The following GNE variants were observed in gnomAD, a reference collection of about 807,000 sequenced individuals.
The protein encoded by GNE is glucosamine (UDP-N-acetyl)-2-epimerase/N-acetylmannosamine kinase.
A neutral mutation model predicts 61.8 loss-of-function variants in GNE; 41 were observed. The observed-to-expected ratio is 0.66, with a 90% CI of 0.52 to 0.86. The LOEUF (loss-of-function observed/expected upper bound fraction) is 0.86, where lower values mean the gene tolerates loss of function less well. Ranked by LOEUF, GNE falls within the 40% of genes least tolerant of loss-of-function variation. The probability of loss-of-function intolerance (pLI) is 0.00; values close to 1 mark genes in which losing one functional copy is unlikely to be tolerated. For missense variants in GNE, 608 were observed against 909.1 expected (o/e 0.67, Z 4.26); for synonymous variants, 264 against 326.4 (o/e 0.81, Z 2.06).
chr9:36,266,101 T>C lies in GNE; in HGVS notation c.51+10793A>G, dbSNP rs185874895. On this transcript the variant is annotated intron_variant, in intron 1 of 11. Coordinates refer to the GNE transcript ENST00000396594. ...TACAGGCATGCGGTCTGGCTAATTT[T>C]TGTATTTTTAGTAGAGACGGGGTTT... 5.5e-4 allele frequency among the ~76,000 whole-genome samples: 84 copies of C among 152,154 alleles called. 2 individuals carry two copies. Among genetic ancestry groups the C allele is most frequent in the Non-Finnish European group, 4.0e-4 (27 of 67,984 alleles).
chr9:36,271,240 C>T (rs1831018298), intron 1 of GNE, among the ~76,000 whole-genome samples: 1 of 152,206 alleles, frequency 6.6e-6, no homozygotes, highest in Non-Finnish European at 1.5e-5. Flanking sequence ...AAGGCTCTTC[C>T]TTGTCTGCTG....
intron 8 of GNE, 99 bp from the exon 9 acceptor site, chr9:36,223,097 G>T: frequency 8.9e-7 from 1 of 1,124,126 alleles, no homozygotes; most frequent in Non-Finnish European, 1.4e-6. Flanking sequence ...ATTCACCCCA[G>T]ATCTCCTAAG....
chr9:36,264,977 G>A, intron 1 of GNE: 2 of 233,930 alleles, frequency 8.5e-6, no homozygotes, highest in East Asian at 1.0e-4. Context: ...TTTGTACCGT[G>A]TTTGTTACCG....
intron 3 of GNE, among the ~76,000 whole-genome samples, chr9:36,245,362 A>C (rs1829825911): frequency 6.6e-6 from 1 of 151,862 alleles, no homozygotes; most frequent in African/African-American, 2.4e-5. Context: ...ATACTTCCTA[A>C]CCATTCCATT....
At chr9:36,266,424 C>T (rs1021028295) in intron 1 of GNE, among the ~76,000 whole-genome samples, 1 of 152,228 alleles carries the variant, frequency 6.6e-6, no homozygotes, top group Admixed American at 6.5e-5. Flanking sequence ...TATGAGGCTA[C>T]ACTACATGGG....
At chr9:36,237,432 T>C (rs1339438668) in intron 3 of GNE, among the ~76,000 whole-genome samples, 2 of 152,228 alleles carry the variant, frequency 1.3e-5, no homozygotes, top group Admixed American at 6.5e-5. Flanking sequence ...TCCTGTACTA[T>C]CACCTACCAG....
Position 36,218,150 on chromosome 9 carries a change from C to G in GNE, c.1933+33G>C. The stretch of plus-strand genomic sequence containing the variant: ...GCCATATGATATCTGAGGCCACCCC[C>G]TGCAGCACAGCCACCTGCAGCCACA... On this transcript the variant is annotated intron_variant, in intron 11 of 11. Coordinates refer to ENST00000642385, the MANE Select transcript of GNE (RefSeq NM_005476.7). This position sits in a 1 kb window ranked among gnomAD's most constrained non-coding sequence, Gnocchi z 4.1. 2.1e-6 allele frequency: 3 copies of G among 1,454,638 alleles called. No homozygotes were observed. Among genetic ancestry groups the G allele is most frequent in the Non-Finnish European group, 2.9e-6 (3 of 1,034,318 alleles). The allele number at this position is 1,454,638 out of a possible 1,614,324, so 90.1% of individuals were successfully genotyped here.
rs1418360913 is a variant in GNE at position 36,216,353 on chromosome 9, G to GTGTGTGTGTGTGTGTGTGTGTGTC, written c.*1011_*1012insGACACACACACACACACACACACA. 1 of 412,904 alleles carries GTGTGTGTGTGTGTGTGTGTGTGTC rather than the reference G, an allele frequency of 2.4e-6. No individual in the cohort carries two copies. Among genetic ancestry groups the GTGTGTGTGTGTGTGTGTGTGTGTC allele is most frequent in the South Asian group, 1.6e-5 (1 of 60,754 alleles). 25.6% of individuals were successfully genotyped at this position (412,904 alleles called of 1,614,324 possible). On this transcript the variant is annotated 3_prime_UTR_variant, in exon 12 of 12. Transcript: ENST00000642385. ...TGTGTGTGTGTGTGTGTGTGTGTGT[G>GTGTGTGTGTGTGTGTGTGTGTGTC]TAGACGGAGTCTCGCTCTGTCACCC...
At chr9:36,235,564 C>T (rs1829356955) in intron 4 of GNE, among the ~76,000 whole-genome samples, 1 of 151,948 alleles carries the variant, frequency 6.6e-6, no homozygotes, top group Admixed American at 6.6e-5. Flanking sequence ...ATATCATTGA[C>T]AATGAATGCT....
chr9:36,261,814 G>T (rs10814364), upstream of GNE, among the ~76,000 whole-genome samples: 115,199 of 150,776 alleles, frequency 0.76, 44,486 homozygotes, highest in Non-Finnish European at 0.8. Context: ...TCCCAGCTAC[G>T]CGGGAGGCTG....
intron 5 of GNE, among the ~76,000 whole-genome samples, chr9:36,232,666 G>C (rs1474125347): frequency 6.6e-6 from 1 of 152,164 alleles, no homozygotes; most frequent in Non-Finnish European, 1.5e-5. Flanking sequence ...TCTCCTTAAA[G>C]AGGCCTTCCT....
rs2772222 is a variant in GNE at position 36,222,659 on chromosome 9, A to G, written c.1633+118T>C. The G allele has an allele frequency of 5.2e-3, 4,206 of 812,344 alleles. 129 individuals carry two copies. In the African/African-American group the frequency reaches 0.063, roughly 12 times the overall value. The allele number at this position is 812,344 out of a possible 1,614,324, so 50.3% of individuals were successfully genotyped here. A position where few individuals can be genotyped will look rare whatever the true frequency, so the allele number is the denominator to read the frequency against. On this transcript the variant is annotated intron_variant, in intron 9 of 11. Coordinates refer to ENST00000642385, the MANE Select transcript of GNE (RefSeq NM_005476.7). ...AAAAGGCCACATGTGGCTCACCTTC[A>G]GGCTCTAGTCATGCAGGAAGTGAAG...
intron 7 of GNE, among the ~76,000 whole-genome samples, chr9:36,226,593 C>T (rs1292902101): frequency 6.6e-6 from 1 of 152,144 alleles, no homozygotes; most frequent in Non-Finnish European, 1.5e-5. Context: ...TAATAAATTT[C>T]CTACAACTTT....
chr9:36,249,171 A>G, intron 2 of GNE, 21 bp downstream of exon 2: 1 of 1,593,488 alleles, frequency 6.3e-7, no homozygotes, highest in Non-Finnish European at 8.6e-7. Context: ...AATGAAGAAT[A>G]AGAAAATGCT....
chr9:36,257,512 TG>T (rs1329674419), intron 1 of GNE, among the ~76,000 whole-genome samples: 1 of 151,102 alleles, frequency 6.6e-6, no homozygotes, highest in East Asian at 2.0e-4. Flanking sequence ...AGCGTAAAAC[TG>T]GGGGGAGGGG....
rs563286509 is a variant in GNE, at chr9:36,264,328, G to T, written c.51+12566C>A. Reference sequence around the variant, plus strand: ...TTTTTGTATTTTTTATAGAGATGGGGTTTCGTCATGTTGCCAGGATGGTCT... The same window carrying T: ...TTTTTGTATTTTTTATAGAGATGGGTTTTCGTCATGTTGCCAGGATGGTCT... On this transcript the variant is annotated intron_variant, in intron 1 of 11. Transcript: ENST00000396594. 7.2e-5 allele frequency among the ~76,000 whole-genome samples: 11 copies of T among 152,028 alleles called. No homozygotes were observed. The East Asian group carries it at 2.1e-3, about 29-fold the overall frequency.
intron 1 of GNE, among the ~76,000 whole-genome samples, chr9:36,250,615 A>T (rs958655417): frequency 6.6e-6 from 1 of 152,136 alleles, no homozygotes; most frequent in African/African-American, 2.4e-5. Flanking sequence ...CCCCTAGTCC[A>T]GTCCCTCATT....
At chr9:36,232,357 T>G in intron 5 of GNE, among the ~76,000 whole-genome samples, 1 of 101,628 alleles carries the variant, frequency 9.8e-6, no homozygotes. Flanking sequence ...CGACATTCCA[T>G]TCTGTATATT....
chr9:36,251,791 C>T (rs1393886529), intron 1 of GNE, among the ~76,000 whole-genome samples: 1 of 152,082 alleles, frequency 6.6e-6, no homozygotes, highest in Non-Finnish European at 1.5e-5. Flanking sequence ...CCATCAGTAG[C>T]CCTCTGCTGT....
Sources: allele counts gnomAD v4.1 joint callset (sites outside exome capture counted in the v4.1 genomes callset), GRCh38; gene constraint gnomAD v4.1.1; non-coding constraint Gnocchi (gnomAD v3.1); transcripts MANE v1.5; gene names NCBI Gene and HGNC (gene_info 2026-07-23, HGNC 2026-07-21).